The following WDR49 variants were observed in gnomAD, a reference collection of about 807,000 sequenced individuals.
WDR49 encodes the protein WD repeat domain 49, also known as cilia- and flagella-associated protein 337.
A neutral mutation model predicts 119.5 loss-of-function variants in WDR49; 107 were observed. That is an observed-to-expected ratio of 0.90 (90% confidence interval 0.77 to 1.05). WDR49 has a LOEUF of 1.05. Among genes scored for constraint, WDR49 ranks in the 50% least tolerant of loss-of-function variants. WDR49 has a pLI of 0.00. For synonymous variants in WDR49, 425 were observed against 418.8 expected (o/e 1.01, Z -0.18); for missense variants, 1,240 against 1,220.5 (o/e 1.02, Z -0.24).
chr3:167,561,331 C>T (rs1056676820), intron 8 of WDR49, among the ~76,000 whole-genome samples: 1 of 152,036 alleles, frequency 6.6e-6, no homozygotes, highest in Non-Finnish European at 1.5e-5. Flanking sequence ...ATGGTCTACA[C>T]CTGTACATTA....
chr3:167,653,473 G>A lies in WDR49; in HGVS notation c.-48C>T. 1 of 1,421,864 alleles carries A rather than the reference G, an allele frequency of 7.0e-7. No individual in the cohort carries two copies. Among genetic ancestry groups the A allele is most frequent in the Non-Finnish European group, 9.1e-7 (1 of 1,094,004 alleles). 88.1% of individuals were successfully genotyped at this position (1,421,864 alleles called of 1,614,324 possible). A position where few individuals can be genotyped will look rare whatever the true frequency, so the allele number is the denominator to read the frequency against. On this transcript the variant is annotated 5_prime_UTR_variant, in exon 2 of 19. Coordinates refer to ENST00000682715, the MANE Select transcript of WDR49 (RefSeq NM_001366157.1). ...TGCCTTCAACTATTTCTATAAGGAT[G>A]GATCTTCTTTTTCCTTCAACAGGTG...
intron 7 of WDR49, among the ~76,000 whole-genome samples, chr3:167,601,078 G>C (rs897586023): frequency 6.6e-6 from 1 of 152,164 alleles, no homozygotes; most frequent in African/African-American, 2.4e-5. Flanking sequence ...AGATATATTA[G>C]AAAACCTTTG....
At chr3:167,580,083 G>A (rs879674337) in intron 7 of WDR49, among the ~76,000 whole-genome samples, 1 of 152,084 alleles carries the variant, frequency 6.6e-6, no homozygotes, top group African/African-American at 2.4e-5. Context: ...AAAAACAGGT[G>A]AGCCATAACC....
chr3:167,532,873 A>C lies in WDR49; in HGVS notation c.2053+6T>G. ...CATGTTATTTTCGTTTCAAACTCAC[A>C]CTTACCTAATTTTGACTTTAGCAAC... On this transcript the variant is annotated splice_donor_region_variant and intron_variant, in intron 12 of 18. Coordinates refer to ENST00000682715, the MANE Select transcript of WDR49 (RefSeq NM_001366157.1). The C allele has an allele frequency of 6.2e-7, 1 of 1,605,710 alleles. No homozygotes were observed. Among genetic ancestry groups the C allele is most frequent in the East Asian group, 2.2e-5 (1 of 44,618 alleles).
chr3:167,496,475 T>TA (rs1326690995), intron 18 of WDR49, among the ~76,000 whole-genome samples: 1 of 152,052 alleles, frequency 6.6e-6, no homozygotes, highest in Non-Finnish European at 1.5e-5. Context: ...TTTTTTTTTT[T>TA]AACCTGGCTC....
chr3:167,517,617 A>C (rs1752264862), intron 16 of WDR49, among the ~76,000 whole-genome samples: 1 of 152,190 alleles, frequency 6.6e-6, no homozygotes, highest in Non-Finnish European at 1.5e-5. Context: ...ACAGGCAAAG[A>C]TTTCAAGATG....
chr3:167,589,060 C>T (rs2108294652), intron 7 of WDR49, among the ~76,000 whole-genome samples: 1 of 152,196 alleles, frequency 6.6e-6, no homozygotes, highest in Non-Finnish European at 1.5e-5. Context: ...TTAGCAGATT[C>T]ATAGTTTGAG....
In WDR49 at chr3:167,621,451, A is replaced by G. The variant is rs755693593; in HGVS notation, c.783+16T>C. Reference sequence around the variant, plus strand: ...ATTAAATCCATAGTATTCAATCTTAATCTACCCTCACTTACCTTTCCAGTT... The same window carrying G: ...ATTAAATCCATAGTATTCAATCTTAGTCTACCCTCACTTACCTTTCCAGTT... On this transcript the variant is annotated intron_variant, in intron 4 of 18. Transcript: ENST00000682715. 42 of 1,509,420 alleles carry G rather than the reference A, an allele frequency of 2.8e-5. No individual in the cohort carries two copies. The highest frequency in any genetic ancestry group is 5.6e-5 in the African/African-American group (4 of 71,968). 93.5% of individuals were successfully genotyped at this position (1,509,420 alleles called of 1,614,324 possible). A position where few individuals can be genotyped will look rare whatever the true frequency, so the allele number is the denominator to read the frequency against.
intron 18 of WDR49, among the ~76,000 whole-genome samples, chr3:167,487,500 A>C (rs2108194480): frequency 1.3e-5 from 2 of 152,298 alleles, no homozygotes; most frequent in Admixed American, 1.3e-4. Context: ...CCCCAAAAGC[A>C]ACGGTAACAA....
At position 167,624,481 on chromosome 3, in the gene WDR49, T is replaced by A. The variant is rs184096943; in HGVS notation, c.606+2371A>T. On this transcript the variant is annotated intron_variant, in intron 3 of 18. Coordinates refer to ENST00000682715, the MANE Select transcript of WDR49 (RefSeq NM_001366157.1). The stretch of plus-strand genomic sequence containing the variant: ...TTAACATAAAAAGGGATTGTGGGAG[T>A]TACAAAACACTGCTAGGAAATTTTT... Among the ~76,000 whole-genome samples the A allele has an allele frequency of 3.3e-3, 501 of 151,926 alleles. 4 individuals carry two copies. Among genetic ancestry groups the A allele is most frequent in the Middle Eastern group, 0.01 (3 of 294 alleles).
intron 8 of WDR49, among the ~76,000 whole-genome samples, chr3:167,570,781 C>T (rs1577247430): frequency 6.6e-6 from 1 of 152,104 alleles, no homozygotes; most frequent in Non-Finnish European, 1.5e-5. Context: ...CTCACGCCTG[C>T]AATCCCAGCA....
intron 2 of WDR49, among the ~76,000 whole-genome samples, chr3:167,636,635 C>T (rs1251354089): frequency 6.6e-6 from 1 of 151,752 alleles, no homozygotes; most frequent in East Asian, 1.9e-4. Context: ...CACCTTTTCA[C>T]TACATCCATG....
chr3:167,647,394 T>G (rs1402311934), intron 2 of WDR49, among the ~76,000 whole-genome samples: 2 of 152,224 alleles, frequency 1.3e-5, no homozygotes, highest in East Asian at 1.9e-4. Context: ...CTGTTAGAAC[T>G]TGTCACAAAA....
chr3:167,569,989 T>G (rs1257709134), intron 8 of WDR49, among the ~76,000 whole-genome samples: 1 of 152,164 alleles, frequency 6.6e-6, no homozygotes, highest in African/African-American at 2.4e-5. Context: ...CATGTATGTG[T>G]GCATGTACAT....
Position 167,575,969 on chromosome 3 carries a change from T to C in WDR49, c.1458A>G (p.Lys486=), listed in dbSNP as rs778988433. The stretch of plus-strand genomic sequence containing the variant: ...CACAAGTGACTGCTTTCTCATGGCT[T>C]TTCACCCTCTTGCTGGCTTCACTTT... The part of the protein sequence containing the change: ...AMKSEASKRV[K]SHEKAVTCVL... Residue 486 remains lysine, a synonymous_variant, in exon 8 of 19, where the codon AAA becomes AAG. Coordinates refer to ENST00000682715, the MANE Select transcript of WDR49 (RefSeq NM_001366157.1). The C allele has an allele frequency of 8.7e-6, 14 of 1,614,040 alleles. No homozygotes were observed. The highest frequency in any genetic ancestry group is 1.2e-5 in the Non-Finnish European group (14 of 1,180,020).
chr3:167,633,907 G>A (rs1463296743), intron 2 of WDR49, among the ~76,000 whole-genome samples: 1 of 151,836 alleles, frequency 6.6e-6, no homozygotes, highest in Non-Finnish European at 1.5e-5. Context: ...ATTAATTATT[G>A]TTGACACATG....
chr3:167,602,903 T>A (rs761558490), intron 6 of WDR49, among the ~76,000 whole-genome samples: 3 of 152,166 alleles, frequency 2.0e-5, no homozygotes, highest in African/African-American at 4.8e-5. Flanking sequence ...GTAAGTCTCA[T>A]GCTATAGAAG....
chr3:167,574,812 T>C (rs1452015997), intron 8 of WDR49, among the ~76,000 whole-genome samples: 1 of 152,178 alleles, frequency 6.6e-6, no homozygotes, highest in Non-Finnish European at 1.5e-5. Context: ...TGGAAGCAAA[T>C]ACATCTCTCA....
At chr3:167,486,893 T>C (rs995607977) in intron 18 of WDR49, among the ~76,000 whole-genome samples, 3 of 152,096 alleles carry the variant, frequency 2.0e-5, no homozygotes, top group Non-Finnish European at 4.4e-5. Context: ...AATTGACAAC[T>C]ATAGAACACC....
Sources: allele counts gnomAD v4.1 joint callset (sites outside exome capture counted in the v4.1 genomes callset), GRCh38; gene constraint gnomAD v4.1.1; transcripts MANE v1.5; gene names NCBI Gene and HGNC (gene_info 2026-07-23, HGNC 2026-07-21).